KIFAP3: variants seen among roughly 807,000 people sequenced by gnomAD.
KIFAP3 encodes kinesin-associated protein 3.
In KIFAP3, 68 loss-of-function variants were observed where a neutral mutation model predicts 106.5. The observed-to-expected ratio is 0.64, with a 90% confidence interval of 0.53 to 0.78. The LOEUF (loss-of-function observed/expected upper bound fraction) is 0.78, where lower values mean the gene tolerates loss of function less well. Ranked by LOEUF, KIFAP3 falls within the 30% of genes least tolerant of loss-of-function variation. KIFAP3 has a pLI of 0.00. For missense variants in KIFAP3, 780 were observed against 941.8 expected (o/e 0.83, Z 2.25); for synonymous variants, 320 against 311.5 (o/e 1.03, Z -0.29).
intron 10 of KIFAP3, among the ~76,000 whole-genome samples, chr1:170,015,023 C>A (rs190920899): frequency 7.9e-4 from 121 of 152,214 alleles, no homozygotes; most frequent in Non-Finnish European, 3.2e-4. Context: ...AAAACAGTCT[C>A]GCTCAAGAAA....
intron 11 of KIFAP3, among the ~76,000 whole-genome samples, chr1:169,988,160 A>G (rs916696801): frequency 6.6e-6 from 1 of 151,996 alleles, no homozygotes; most frequent in Non-Finnish European, 1.5e-5. Context: ...ATAATCACCC[A>G]CTCCGGATGC....
intron 19 of KIFAP3, among the ~76,000 whole-genome samples, chr1:169,926,869 A>G (rs2101769331): frequency 6.6e-6 from 1 of 152,286 alleles, no homozygotes; most frequent in East Asian, 1.9e-4. Flanking sequence ...TCCATCAGGT[A>G]ATATTGAAGG....
At chr1:170,009,853 T>C in intron 10 of KIFAP3, among the ~76,000 whole-genome samples, 1 of 152,148 alleles carries the variant, frequency 6.6e-6, no homozygotes, top group African/African-American at 2.4e-5. Flanking sequence ...TTTGAAGATC[T>C]GATTCTTGGA....
intron 1 of KIFAP3, among the ~76,000 whole-genome samples, chr1:170,060,277 C>CA (rs1671071421): frequency 6.6e-6 from 1 of 151,964 alleles, no homozygotes; most frequent in Non-Finnish European, 1.5e-5. Flanking sequence ...TCGTCTCAGC[C>CA]AAAAAATCTC....
chr1:170,078,204 TG>T (rs1671956550), upstream of KIFAP3, among the ~76,000 whole-genome samples: 1 of 152,048 alleles, frequency 6.6e-6, no homozygotes, highest in South Asian at 2.1e-4. Context: ...TTCCAGCACT[TG>T]GTATTTTGTT....
chr1:169,943,906 A>C (rs1310798733), intron 19 of KIFAP3, among the ~76,000 whole-genome samples: 1 of 152,234 alleles, frequency 6.6e-6, no homozygotes. Flanking sequence ...TTGACATGTT[A>C]ACATTTTTAA....
intron 10 of KIFAP3, among the ~76,000 whole-genome samples, chr1:170,015,193 A>T (rs1184586559): frequency 6.6e-6 from 1 of 152,212 alleles, no homozygotes; most frequent in African/African-American, 2.4e-5. Flanking sequence ...TTACAAGGCA[A>T]TTATTTAATA....
At chr1:170,025,622 T>A (rs1379395789) in intron 8 of KIFAP3, among the ~76,000 whole-genome samples, 1 of 152,146 alleles carries the variant, frequency 6.6e-6, no homozygotes, top group Non-Finnish European at 1.5e-5. Flanking sequence ...AACAGTTTTA[T>A]GAGGAAAGAA....
At chr1:170,072,235 C>T (rs936675163) in intron 1 of KIFAP3, among the ~76,000 whole-genome samples, 1 of 152,176 alleles carries the variant, frequency 6.6e-6, no homozygotes, top group African/African-American at 2.4e-5. Flanking sequence ...TCTTTCTAGT[C>T]TTATTCTGAC....
chr1:170,041,822 C>A, intron 3 of KIFAP3: 1 of 1,479,306 alleles, frequency 6.8e-7, no homozygotes, highest in South Asian at 1.3e-5. Flanking sequence ...CTTCAGAAGT[C>A]CTGCTGACCC....
intron 1 of KIFAP3, among the ~76,000 whole-genome samples, chr1:170,069,982 T>C (rs544048010): frequency 6.6e-6 from 1 of 152,092 alleles, no homozygotes; most frequent in African/African-American, 2.4e-5. Context: ...GGAGAATAGA[T>C]CAGAACACAC....
At position 170,006,022 on chromosome 1, in the gene KIFAP3, C is replaced by T. The variant is rs189321413; in HGVS notation, c.1183+10440G>A. On this transcript the variant is annotated intron_variant, in intron 10 of 19. Transcript: ENST00000361580. ...CCTTATCATGACTAACATTTGTATACGACTTTCTAGTTATCAAGAAAATAT... is the reference window on the plus strand; with the variant it reads ...CCTTATCATGACTAACATTTGTATATGACTTTCTAGTTATCAAGAAAATAT... Among the ~76,000 whole-genome samples, 26 of 152,240 alleles carry T rather than the reference C, an allele frequency of 1.7e-4. No individual in the cohort carries two copies. The East Asian group carries it at 4.2e-3, about 25-fold the overall frequency.
intron 1 of KIFAP3, among the ~76,000 whole-genome samples, chr1:170,079,888 C>A (rs1671994029): frequency 6.6e-6 from 1 of 151,342 alleles, no homozygotes; most frequent in Non-Finnish European, 1.5e-5. Flanking sequence ...AATATGAAGT[C>A]TTCCAATCTA....
At position 170,082,200 on chromosome 1, in the gene KIFAP3, T is replaced by C. The variant is rs549421782; in HGVS notation, n.174+2835A>G. Among the ~76,000 whole-genome samples the C allele has an allele frequency of 2.0e-5, 3 of 152,218 alleles. No homozygotes were observed. The East Asian group carries it at 5.8e-4, about 29-fold the overall frequency. ...GAAACAACCCAAATGTCTATTAACA[T>C]GTCAATTGATACAAATTGTGGGATA... On this transcript the variant is annotated intron_variant and non_coding_transcript_variant, in intron 1 of 5. Transcript: ENST00000490550.
chr1:169,936,883 A>T (rs1189077606), intron 19 of KIFAP3, among the ~76,000 whole-genome samples: 1 of 151,004 alleles, frequency 6.6e-6, no homozygotes, highest in Non-Finnish European at 1.5e-5. Context: ...TCCAATAGAC[A>T]AATATTATTT....
intron 1 of KIFAP3, among the ~76,000 whole-genome samples, chr1:170,081,056 G>T (rs182224563): frequency 1.3e-5 from 2 of 152,060 alleles, no homozygotes. Context: ...GAGAAGGAAG[G>T]TCTATCACCA....
At chr1:169,994,414 A>T (rs615915) in intron 10 of KIFAP3, among the ~76,000 whole-genome samples, 142,611 of 152,200 alleles carry the variant, frequency 0.94, 66,896 homozygotes, top group East Asian at 1. Context: ...AAAGACTGAT[A>T]AACACTGATA....
chr1:169,972,409 A>G (rs1298188062), intron 17 of KIFAP3, 104 bp downstream of exon 17: 1 of 631,920 alleles, frequency 1.6e-6, no homozygotes, highest in Non-Finnish European at 2.8e-6. Context: ...ACCAAAATAC[A>G]AAGTTGGGTT....
chr1:170,082,373 A>G (rs1425762499), intron 1 of KIFAP3, among the ~76,000 whole-genome samples: 1 of 152,074 alleles, frequency 6.6e-6, no homozygotes, highest in African/African-American at 2.4e-5. Context: ...AAAAAAGCAC[A>G]CCCCGATCTA....
Sources: gnomAD v4.1 joint callset for allele counts (sites outside exome capture counted in the v4.1 genomes callset) on GRCh38, gnomAD v4.1.1 for gene constraint, MANE v1.5 for transcripts, NCBI Gene and HGNC (gene_info 2026-07-23, HGNC 2026-07-21) for gene names.